Variants in FAM193B observed in about 807,000 individuals in gnomAD.
The protein encoded by FAM193B is family with sequence similarity 193 member B, also known as protein FAM193B.
In FAM193B, 27 loss-of-function variants were observed where a neutral mutation model predicts 70.7. That is an observed-to-expected ratio of 0.38 (90% CI 0.28 to 0.53). The LOEUF (loss-of-function observed/expected upper bound fraction) is 0.53. Among genes scored for constraint, FAM193B ranks in the 20% least tolerant of loss-of-function variants. The pLI is 0.81. For missense variants in FAM193B, 1,022 were observed against 1,072.5 expected (o/e 0.95, Z 0.66); for synonymous variants, 448 against 436.0 (o/e 1.03, Z -0.34).
chr5:177,531,491 T>C (rs780239239), intron 5 of FAM193B: 1 of 1,350,862 alleles, frequency 7.4e-7, no homozygotes, highest in South Asian at 1.2e-5. Flanking sequence ...CGGATCTCGG[T>C]ATAGTTCCGA....
chr5:177,554,192 C>G (rs1766729479), intron 1 of FAM193B, 57 bp downstream of exon 1: 3 of 1,478,932 alleles, frequency 2.0e-6, no homozygotes, highest in South Asian at 2.5e-5. Context: ...CACTCCCGCT[C>G]CCGCTCGGGG....
In FAM193B at chr5:177,532,160, C is replaced by T. The variant is rs755148164; in HGVS notation, c.1275+283G>A. ...GGATTACACACGTATACATACTCATCAGAATCATAGCTTTCTCTCTGCCAT... is the reference window on the plus strand; with the variant it reads ...GGATTACACACGTATACATACTCATTAGAATCATAGCTTTCTCTCTGCCAT... On this transcript the variant is annotated intron_variant, in intron 5 of 8. Transcript: ENST00000514747. This position sits in a 1 kb window ranked among gnomAD's most constrained non-coding sequence, Gnocchi z 4.9. 7.0e-7 allele frequency: 1 copy of T among 1,435,776 alleles called. No individual in the cohort carries two copies. The highest frequency in any genetic ancestry group is 1.4e-5 in the African/African-American group (1 of 71,106). The allele number at this position is 1,435,776 out of a possible 1,614,324, so 88.9% of individuals were successfully genotyped here.
In FAM193B at chr5:177,519,806, C is replaced by G. The variant is rs1205298278; in HGVS notation, c.*377G>C. 2 of 152,158 alleles carry G rather than the reference C, an allele frequency of 1.3e-5. No individual in the cohort carries two copies. Among genetic ancestry groups the G allele is most frequent in the Non-Finnish European group, 2.9e-5 (2 of 68,022 alleles). The allele number at this position is 152,158 out of a possible 1,614,324, so 9.4% of individuals were successfully genotyped here. On this transcript the variant is annotated 3_prime_UTR_variant, in exon 9 of 9. Transcript: ENST00000514747. ...ATGCCAACTCTGTGTCCAAATGTTG[C>G]TTTATCTTTCGGCACGAAAGATCTT...
chr5:177,524,444 C>A lies in FAM193B; in HGVS notation c.2037G>T (p.Glu679Asp). Residue 679 changes from glutamate (E) to aspartate (D), a missense_variant, in exon 6 of 9, where the codon GAG becomes GAT. Transcript: ENST00000514747. ...AGPKQPGRVLELPKVGSCAEA... is the reference protein window; with the variant it reads ...AGPKQPGRVLDLPKVGSCAEA... ...CAGCACAGCTGCCTACTTTGGGAAG[C>A]TCTAGGACCCTGCCTGGCTGCTTGG... 1.9e-6 allele frequency: 3 copies of A among 1,609,104 alleles called. No individual in the cohort carries two copies. The highest frequency in any genetic ancestry group is 1.7e-6 in the Non-Finnish European group (2 of 1,177,890).
chr5:177,540,324 A>C (rs1012629086), intron 1 of FAM193B, among the ~76,000 whole-genome samples: 1 of 151,824 alleles, frequency 6.6e-6, no homozygotes, highest in South Asian at 2.1e-4. Flanking sequence ...AAAAAAAAAA[A>C]AGAAAAACAA....
Position 177,553,455 on chromosome 5 carries a change from G to A in FAM193B, c.210+794C>T, listed in dbSNP as rs1240621378. 2.7e-6 allele frequency: 3 copies of A among 1,102,428 alleles called. No individual in the cohort carries two copies. The African/African-American group carries it at 5.1e-5, about 19-fold the overall frequency. 68.3% of individuals were successfully genotyped at this position (1,102,428 alleles called of 1,614,324 possible). On this transcript the variant is annotated intron_variant, in intron 1 of 8. Transcript: ENST00000514747. ...CCACAACCCTCCCAGAGCAACCGTG[G>A]CCCATGTCACCCCCGCCTCTCAGTG...
At chr5:177,521,944 CA>C in intron 8 of FAM193B, 29 bp downstream of exon 8, 2 of 1,551,834 alleles carry the variant, frequency 1.3e-6, no homozygotes, top group Non-Finnish European at 1.8e-6. Flanking sequence ...CAGGGAGAGG[CA>C]GTGGATGTAA....
At chr5:177,553,931 C>T in intron 1 of FAM193B, 1 of 1,226,070 alleles carries the variant, frequency 8.2e-7, no homozygotes, top group African/African-American at 1.6e-5. Flanking sequence ...GGGCCGAGAG[C>T]GGAGCTGCGG....
chr5:177,528,839 A>G (rs915521633), intron 5 of FAM193B, among the ~76,000 whole-genome samples: 4 of 152,202 alleles, frequency 2.6e-5, no homozygotes, highest in Admixed American at 2.6e-4. Flanking sequence ...TCGGGAGCCC[A>G]CGTGGCTGGC....
chr5:177,531,785 G>A, intron 5 of FAM193B: 1 of 854,736 alleles, frequency 1.2e-6, no homozygotes, highest in Non-Finnish European at 1.6e-6. Context: ...TTCGTCACTG[G>A]GAAGCTGTAT....
intron 1 of FAM193B, among the ~76,000 whole-genome samples, chr5:177,549,670 G>A (rs554917046): frequency 3.9e-4 from 60 of 152,340 alleles, no homozygotes; most frequent in African/African-American, 1.4e-3. Flanking sequence ...TTGTGGGAAG[G>A]GACTATGTCT....
intron 1 of FAM193B, among the ~76,000 whole-genome samples, chr5:177,550,487 T>A (rs576561456): frequency 6.6e-6 from 1 of 152,354 alleles, no homozygotes; most frequent in East Asian, 1.9e-4. Flanking sequence ...CTCCAATTTC[T>A]TGAGGGAACA....
intron 5 of FAM193B, chr5:177,531,588 C>T (rs922118562): frequency 4.4e-5 from 51 of 1,169,942 alleles, no homozygotes; most frequent in Middle Eastern, 3.8e-4. Context: ...CTCCCTCCCA[C>T]GGGCACCAAG....
intron 1 of FAM193B, among the ~76,000 whole-genome samples, chr5:177,550,732 A>T (rs1015082061): frequency 1.3e-5 from 2 of 152,220 alleles, no homozygotes; most frequent in African/African-American, 4.8e-5. Context: ...CAGAACACTC[A>T]GGCTTTGTAT....
At chr5:177,539,799 A>G (rs1465847913) in intron 1 of FAM193B, among the ~76,000 whole-genome samples, 2 of 152,196 alleles carry the variant, frequency 1.3e-5, no homozygotes, top group African/African-American at 2.4e-5. Flanking sequence ...ACAGATATGC[A>G]TTCTAATTCC....
chr5:177,537,670 TAGC>T (rs1764332713), intron 3 of FAM193B, among the ~76,000 whole-genome samples, 200 bp downstream of exon 3: 1 of 152,202 alleles, frequency 6.6e-6, no homozygotes. Context: ...GTTTTTCTAT[TAGC>T]AGTATTTTTC....
At position 177,554,263 on chromosome 5, in the gene FAM193B, C is replaced by A; in HGVS notation, c.196G>T (p.Val66Leu). The A allele has an allele frequency of 6.8e-7, 1 of 1,478,576 alleles. No homozygotes were observed. Among genetic ancestry groups the A allele is most frequent in the Non-Finnish European group, 8.9e-7 (1 of 1,118,326 alleles). The allele number at this position is 1,478,576 out of a possible 1,614,324, so 91.6% of individuals were successfully genotyped here. ...CTCGCTCCTACCTGCGGGCCGGGCA[C>A]CAGGTTGGGTTCGTCATCCTCCCTG... ...GPREDDEPNL[V>L]PGPQVPPASS... Residue 66 changes from valine to leucine, a missense_variant, in exon 1 of 9, where the codon GTG becomes TTG. Physicochemically the swap from Val to Leu is conservative, Grantham distance 32 (BLOSUM62 1). Coordinates refer to ENST00000514747, the MANE Select transcript of FAM193B (RefSeq NM_001190946.3).
chr5:177,534,479 T>G (rs943522892), intron 4 of FAM193B, among the ~76,000 whole-genome samples: 8 of 151,764 alleles, frequency 5.3e-5, no homozygotes, highest in African/African-American at 1.9e-4. Flanking sequence ...TTTTTTTGTA[T>G]TTTTAATAGA....
chr5:177,539,787 A>G (rs1764627926), intron 1 of FAM193B, among the ~76,000 whole-genome samples: 2 of 152,194 alleles, frequency 1.3e-5, no homozygotes, highest in African/African-American at 4.8e-5. Context: ...CTTTGAAATC[A>G]AACAGATATG....
Sources: allele counts gnomAD v4.1 joint callset (sites outside exome capture counted in the v4.1 genomes callset), GRCh38; gene constraint gnomAD v4.1.1; non-coding constraint Gnocchi (gnomAD v3.1); transcripts MANE v1.5; gene names NCBI Gene and HGNC (gene_info 2026-07-23, HGNC 2026-07-21).